AHNAK: variants seen among roughly 807,000 people sequenced by gnomAD.
The protein encoded by AHNAK is AHNAK nucleoprotein, also known as neuroblast differentiation-associated protein AHNAK.
Under a neutral mutation model 37.8 loss-of-function variants are expected in AHNAK, and 23 were observed. That is an observed-to-expected ratio of 0.61 (90% CI 0.44 to 0.86). The LOEUF is 0.86. Among genes scored for constraint, AHNAK ranks in the 40% least tolerant of loss-of-function variants. The pLI is 0.00. For synonymous variants in AHNAK, 2,481 were observed against 2,636.3 expected (o/e 0.94, Z 1.80); for missense variants, 7,411 against 7,319.4 (o/e 1.01, Z -0.46).
chr11:62,458,450 C>G (rs1938715318), intron 5 of AHNAK, among the ~76,000 whole-genome samples: 1 of 152,100 alleles, frequency 6.6e-6, no homozygotes, highest in South Asian at 2.1e-4. Flanking sequence ...CTGGTGTAAG[C>G]TGGAGTGGAC....
intron 5 of AHNAK, among the ~76,000 whole-genome samples, chr11:62,440,906 C>A (rs1938292814): frequency 6.6e-6 from 1 of 152,134 alleles, no homozygotes; most frequent in Non-Finnish European, 1.5e-5. Context: ...TGGCTCATGC[C>A]TGTAATCCCA....
Position 62,520,899 on chromosome 11 carries a change from C to G in AHNAK, c.13518G>C (p.Lys4506Asn), listed in dbSNP as rs779543948. The G allele has an allele frequency of 6.8e-6, 11 of 1,614,048 alleles. No homozygotes were observed. In the Admixed American group the frequency reaches 1.0e-4, roughly 15 times the overall value. The change falls in exon 5 of 5, where the codon AAG (lysine) becomes AAC (asparagine). Residue 4506 changes from lysine (K) to asparagine (N), a missense_variant. Coordinates refer to ENST00000378024, the MANE Select transcript of AHNAK (RefSeq NM_001620.3). ...TGAAATGTACATCAGGCATCTTAAACTTGGGACCTTTGAGCTTCCCTTCAG... is the reference window on the plus strand; with the variant it reads ...TGAAATGTACATCAGGCATCTTAAAGTTGGGACCTTTGAGCTTCCCTTCAG... ...EGPEGKLKGP[K>N]FKMPDVHFKS...
At chr11:62,467,552 G>C (rs1308283329) in intron 5 of AHNAK, among the ~76,000 whole-genome samples, 2 of 152,178 alleles carry the variant, frequency 1.3e-5, no homozygotes, top group African/African-American at 4.8e-5. Context: ...GGGCATGGTA[G>C]CGCGCGCCTG....
intron 4 of AHNAK, among the ~76,000 whole-genome samples, chr11:62,503,896 T>C (rs1370767053): frequency 6.6e-6 from 1 of 152,076 alleles, no homozygotes; most frequent in African/African-American, 2.4e-5. Context: ...CGTGGTGGCT[T>C]ATGCCTGTAA....
At chr11:62,513,097 A>G (rs1939943779), downstream of AHNAK, among the ~76,000 whole-genome samples, 1 of 152,224 alleles carries the variant, frequency 6.6e-6, no homozygotes, top group Non-Finnish European at 1.5e-5. Context: ...TTGAGACTGC[A>G]GTCCTTGCAA....
At chr11:62,478,980 A>T (rs1022514115) in intron 5 of AHNAK, among the ~76,000 whole-genome samples, 34 of 151,922 alleles carry the variant, frequency 2.2e-4, no homozygotes, top group African/African-American at 7.7e-4. Flanking sequence ...GATTCAAGTG[A>T]TTCTCCTGCC....
intron 4 of AHNAK, among the ~76,000 whole-genome samples, chr11:62,498,925 C>G (rs1590631747): frequency 6.6e-6 from 1 of 152,296 alleles, no homozygotes; most frequent in East Asian, 1.9e-4. Flanking sequence ...GTTCATTATT[C>G]AACAAATATT....
chr11:62,519,485 G>T lies in AHNAK; in HGVS notation c.14932C>A (p.Pro4978Thr). The change falls in exon 5 of 5, where the codon CCC becomes ACC. Residue 4978 changes from proline to threonine, a missense_variant. Pro to Thr is a conservative substitution (Grantham distance 38). Transcript: ENST00000378024. ...CTTTTTGCCCCAAATCCAAACTTGG[G>T]TTTCTTAAATTTGGGGATTTTAACA... ...PDVKIPKFKK[P>T]KFGFGAKSPK... 6.2e-7 allele frequency: 1 copy of T among 1,613,236 alleles called. No homozygotes were observed. The highest frequency in any genetic ancestry group is 8.5e-7 in the Non-Finnish European group (1 of 1,179,742).
chr11:62,489,833 G>A (rs898333170), intron 5 of AHNAK, among the ~76,000 whole-genome samples: 2 of 152,098 alleles, frequency 1.3e-5, no homozygotes, highest in Non-Finnish European at 2.9e-5. Context: ...TCGAGGTTGT[G>A]GGAAGAGGGG....
At chr11:62,511,528 T>C (rs557240870), downstream of AHNAK, among the ~76,000 whole-genome samples, 13 of 152,286 alleles carry the variant, frequency 8.5e-5, no homozygotes, top group African/African-American at 3.1e-4. Context: ...AGTGCTGGGA[T>C]TATAGGCATG....
Position 62,521,215 on chromosome 11 carries a change from C to T in AHNAK, c.13202G>A (p.Gly4401Asp). ...TTTGGGCAGAGAGACATCCACATCACCTTTCACTTTGGGACCCTTCAAGTT... is the reference window on the plus strand; with the variant it reads ...TTTGGGCAGAGAGACATCCACATCATCTTTCACTTTGGGACCCTTCAAGTT... ...DFNLKGPKVK[G>D]DVDVSLPKVE... The change falls in exon 5 of 5, where the codon GGT (glycine) becomes GAT (aspartate). Residue 4401 changes from glycine (G) to aspartate (D), a missense_variant. Coordinates refer to ENST00000378024, the MANE Select transcript of AHNAK (RefSeq NM_001620.3). 3 of 1,614,018 alleles carry T rather than the reference C, an allele frequency of 1.9e-6. No individual in the cohort carries two copies. Among genetic ancestry groups the T allele is most frequent in the East Asian group, 2.2e-5 (1 of 44,876 alleles).
chr11:62,441,181 T>C (rs1015116306), intron 5 of AHNAK, among the ~76,000 whole-genome samples: 4 of 151,752 alleles, frequency 2.6e-5, no homozygotes, highest in African/African-American at 9.7e-5. Flanking sequence ...TTTGTATTTT[T>C]AGTAGAGATG....
At chr11:62,478,367 G>A (rs973469378) in intron 5 of AHNAK, among the ~76,000 whole-genome samples, 1 of 152,236 alleles carries the variant, frequency 6.6e-6, no homozygotes, top group Non-Finnish European at 1.5e-5. Context: ...AATGATACAA[G>A]AATGCCTCTT....
At chr11:62,452,949 C>T (rs1938574324) in intron 5 of AHNAK, among the ~76,000 whole-genome samples, 1 of 152,092 alleles carries the variant, frequency 6.6e-6, no homozygotes, top group African/African-American at 2.4e-5. Context: ...CGCTTGAACC[C>T]AGGAGGTGGA....
At position 62,523,636 on chromosome 11, in the gene AHNAK, T is replaced by C. The variant is rs1565231362; in HGVS notation, c.10781A>G (p.His3594Arg). The change falls in exon 5 of 5, where the codon CAT becomes CGT. Residue 3594 changes from histidine (H) to arginine (R), a missense_variant. Transcript: ENST00000378024. ...CATCTTCAGATGCCAGTCTGGACCA[T>C]GAACATCCACATCTGGGGCATTGAT... Reference protein sequence around the residue: ...VDINAPDVDVHGPDWHLKMPK... With the variant: ...VDINAPDVDVRGPDWHLKMPK... 6.2e-7 allele frequency: 1 copy of C among 1,614,188 alleles called. No individual in the cohort carries two copies. Among genetic ancestry groups the C allele is most frequent in the Non-Finnish European group, 8.5e-7 (1 of 1,180,042 alleles).
At chr11:62,534,877 C>T in intron 4 of AHNAK, 126 bp downstream of exon 4, 1 of 991,736 alleles carries the variant, frequency 1.0e-6, no homozygotes, top group South Asian at 1.6e-5. Flanking sequence ...AGAGTGAAGA[C>T]AGGTGAGAGG....
In AHNAK at chr11:62,530,311, G is replaced by A. The variant is rs760706279; in HGVS notation, c.4106C>T (p.Pro1369Leu). 19 of 1,613,402 alleles carry A rather than the reference G, an allele frequency of 1.2e-5. No homozygotes were observed. The Admixed American group carries it at 3.2e-4, about 27-fold the overall frequency. Residue 1369 changes from proline to leucine, a missense_variant, in exon 5 of 5, where the codon CCA becomes CTA. Transcript: ENST00000378024. ...IKGPKVDISAPDVDVHGPDWH... is the reference protein window; with the variant it reads ...IKGPKVDISALDVDVHGPDWH... ...ATCTGGGCCATGAACATCCACATCTGGAGCACTAATGTCAACTTTGGGCCC... is the reference window on the plus strand; with the variant it reads ...ATCTGGGCCATGAACATCCACATCTAGAGCACTAATGTCAACTTTGGGCCC...
intron 5 of AHNAK, among the ~76,000 whole-genome samples, chr11:62,447,582 C>T (rs1438643498): frequency 6.6e-6 from 1 of 152,132 alleles, no homozygotes; most frequent in Non-Finnish European, 1.5e-5. Context: ...AAAATCAACC[C>T]TTTCATCTAA....
intron 4 of AHNAK, among the ~76,000 whole-genome samples, chr11:62,498,427 AGTGTAATTATAATTACACTATATG>A (rs1257559499): frequency 5.7e-5 from 8 of 139,352 alleles, no homozygotes; most frequent in Admixed American, 2.1e-4. Context: ...TACACTATAT[AGTGTAATTATAATTACACTATATG>A]GTGTAATTAA....
Sources: gnomAD v4.1 joint callset for allele counts (sites outside exome capture counted in the v4.1 genomes callset) on GRCh38, gnomAD v4.1.1 for gene constraint, MANE v1.5 for transcripts, NCBI Gene and HGNC (gene_info 2026-07-23, HGNC 2026-07-21) for gene names.